Variants in PARP8 observed in about 807,000 individuals in gnomAD.
The protein encoded by PARP8 is poly(ADP-ribose) polymerase family member 8.
In PARP8, 51 loss-of-function variants were observed where a neutral mutation model predicts 124.1. That is an observed-to-expected ratio of 0.41 (90% CI 0.33 to 0.52). The LOEUF (loss-of-function observed/expected upper bound fraction) is 0.52. Among genes scored for constraint, PARP8 ranks in the 20% least tolerant of loss-of-function variants. PARP8 has a pLI of 0.21. For synonymous variants in PARP8, 391 were observed against 361.5 expected, an observed-to-expected ratio of 1.08 and a Z score of -0.93; for missense variants, 860 against 1,018.9, an observed-to-expected ratio of 0.84 and a Z score of 2.12.
At chr5:50,821,900 G>A (rs2149702335) in intron 16 of PARP8, among the ~76,000 whole-genome samples, 1 of 152,288 alleles carries the variant, frequency 6.6e-6, no homozygotes, top group East Asian at 1.9e-4. Flanking sequence ...CTATGTGACT[G>A]TATGCTATCA....
chr5:50,668,151 A>G (rs1251153782), intron 2 of PARP8, 26 bp downstream of exon 2: 1 of 1,554,870 alleles, frequency 6.4e-7, no homozygotes, highest in Middle Eastern at 2.3e-4. Flanking sequence ...GAGTTGCTTC[A>G]TTTCCTGTTC....
At chr5:50,716,489 G>A (rs62368280) in intron 2 of PARP8, among the ~76,000 whole-genome samples, 20,921 of 151,996 alleles carry the variant, frequency 0.14, 1,512 homozygotes, top group East Asian at 0.19. Flanking sequence ...TTCCCTACAG[G>A]GTAAAAACAG....
chr5:50,766,315 T>C (rs1425332905), intron 7 of PARP8, among the ~76,000 whole-genome samples: 8 of 152,320 alleles, frequency 5.3e-5, no homozygotes, highest in African/African-American at 1.9e-4. Flanking sequence ...TTGCGATCAG[T>C]CTGAATAAGT....
At chr5:50,744,261 C>A (rs760351762) in intron 2 of PARP8, among the ~76,000 whole-genome samples, 6 of 152,156 alleles carry the variant, frequency 3.9e-5, no homozygotes, top group African/African-American at 1.4e-4. Context: ...GAGTTCAGAC[C>A]AGACTCTATC....
At chr5:50,705,626 G>A (rs11960337) in intron 2 of PARP8, among the ~76,000 whole-genome samples, 135,820 of 152,160 alleles carry the variant, frequency 0.89, 60,657 homozygotes, top group East Asian at 0.95. Context: ...CTTTACTAAA[G>A]ATACAAAAAT....
At chr5:50,746,295 T>G (rs371362903) in intron 2 of PARP8, among the ~76,000 whole-genome samples, 9 of 152,266 alleles carry the variant, frequency 5.9e-5, no homozygotes, top group African/African-American at 2.2e-4. Context: ...GATGGATATG[T>G]CTCTAAAAAA....
chr5:50,832,031 AC>A (rs1747046626), intron 22 of PARP8, among the ~76,000 whole-genome samples: 1 of 151,854 alleles, frequency 6.6e-6, no homozygotes, highest in South Asian at 2.1e-4. Flanking sequence ...GTCCCCATCC[AC>A]CCCTCCACCT....
intron 25 of PARP8, among the ~76,000 whole-genome samples, chr5:50,840,386 T>C (rs781173307): frequency 2.6e-5 from 4 of 151,790 alleles, no homozygotes; most frequent in Non-Finnish European, 5.9e-5. Flanking sequence ...GGAAACAAGA[T>C]AGCTTGGTGA....
chr5:50,802,320 T>G (rs540591259), intron 14 of PARP8, among the ~76,000 whole-genome samples: 1 of 152,022 alleles, frequency 6.6e-6, no homozygotes, highest in East Asian at 1.9e-4. Context: ...CCAACTTGAT[T>G]TTTTTTTAAT....
At chr5:50,701,668 G>A (rs989541219) in intron 2 of PARP8, among the ~76,000 whole-genome samples, 2 of 151,958 alleles carry the variant, frequency 1.3e-5, no homozygotes, top group African/African-American at 4.8e-5. Context: ...GTTTGGAAAG[G>A]CCATTTAAAT....
At chr5:50,757,312 T>C in intron 3 of PARP8, 1 of 298,652 alleles carries the variant, frequency 3.3e-6, no homozygotes, top group Non-Finnish European at 6.9e-6. Flanking sequence ...AAATTAGTAA[T>C]CAAAAATCTT....
chr5:50,731,812 A>G (rs1484285464), intron 2 of PARP8, among the ~76,000 whole-genome samples: 1 of 152,184 alleles, frequency 6.6e-6, no homozygotes, highest in Non-Finnish European at 1.5e-5. Context: ...AAGCTCTGAA[A>G]ATTCAAGCCA....
At chr5:50,780,169 T>A (rs1740508115) in intron 9 of PARP8, among the ~76,000 whole-genome samples, 1 of 152,206 alleles carries the variant, frequency 6.6e-6, no homozygotes, top group African/African-American at 2.4e-5. Flanking sequence ...CATGAGGCTG[T>A]CTTCAAGTCA....
chr5:50,746,595 T>C (rs1417162128), intron 2 of PARP8, among the ~76,000 whole-genome samples: 2 of 152,334 alleles, frequency 1.3e-5, no homozygotes, highest in South Asian at 2.1e-4. Flanking sequence ...AGTTCCTTTG[T>C]CTGTCATATT....
intron 2 of PARP8, among the ~76,000 whole-genome samples, chr5:50,670,777 T>A (rs1749919586): frequency 6.6e-6 from 1 of 152,236 alleles, no homozygotes; most frequent in Non-Finnish European, 1.5e-5. Flanking sequence ...TCCTGAGACC[T>A]CCTTCTTCTC....
chr5:50,826,713 A>C (rs772825680), intron 18 of PARP8, 42 bp from the exon 19 acceptor site: 1 of 1,549,484 alleles, frequency 6.5e-7, no homozygotes, highest in South Asian at 1.3e-5. Flanking sequence ...CTTTAAATAT[A>C]TTTGGCATGT....
In PARP8 at chr5:50,794,936, A is replaced by G. The variant is rs1171720773; in HGVS notation, c.947A>G (p.Lys316Arg). The G allele has an allele frequency of 6.2e-7, 1 of 1,614,186 alleles. No homozygotes were observed. Among genetic ancestry groups the G allele is most frequent in the African/African-American group, 1.3e-5 (1 of 75,056 alleles). ...CAGGACGGAATCTCCAAAACGCATAAGCTGCTGCGGAGGACTTGTTCCAGC... is the reference window on the plus strand; with the variant it reads ...CAGGACGGAATCTCCAAAACGCATAGGCTGCTGCGGAGGACTTGTTCCAGC... ...SEQDGISKTH[K>R]LLRRTCSSTV... The change falls in exon 12 of 26, where the codon AAG (lysine) becomes AGG (arginine). Residue 316 changes from lysine (K) to arginine (R), a missense_variant. Physicochemically the swap from Lys to Arg is conservative, Grantham distance 26 (BLOSUM62 2). This residue lies in a region of PARP8 where 517 missense variants were observed against 544.2 expected (regional missense o/e 0.95). Transcript: ENST00000281631.
At chr5:50,822,629 G>A (rs1335364072) in intron 17 of PARP8, among the ~76,000 whole-genome samples, 11 of 152,084 alleles carry the variant, frequency 7.2e-5, no homozygotes, top group Admixed American at 5.9e-4. Context: ...CCTCAAACTC[G>A]GGCAAGAGCT....
chr5:50,779,305 T>G (rs1358428813), intron 9 of PARP8, among the ~76,000 whole-genome samples: 2 of 152,108 alleles, frequency 1.3e-5, no homozygotes, highest in African/African-American at 2.4e-5. Flanking sequence ...TAAAACTTAG[T>G]GGCTTAAAAA....
Sources: allele counts gnomAD v4.1 joint callset (sites outside exome capture counted in the v4.1 genomes callset), GRCh38; gene constraint gnomAD v4.1.1; regional missense constraint gnomAD v4.1.1; transcripts MANE v1.5; gene names NCBI Gene and HGNC (gene_info 2026-07-23, HGNC 2026-07-21).